Variants in TNC observed in about 807,000 individuals in gnomAD.
TNC encodes tenascin.
Under a neutral mutation model 202.4 loss-of-function variants are expected in TNC, and 109 were observed. The observed-to-expected ratio is 0.54, with a 90% CI of 0.46 to 0.63. The LOEUF (loss-of-function observed/expected upper bound fraction) is 0.63, where lower values mean the gene tolerates loss of function less well. Ranked by LOEUF, TNC falls within the 30% of genes least tolerant of loss-of-function variation. The probability of loss-of-function intolerance (pLI) is 0.00; values close to 1 mark genes in which losing one functional copy is unlikely to be tolerated. For missense variants in TNC, 2,756 were observed against 2,833.3 expected (o/e 0.97, Z 0.62); for synonymous variants, 1,007 against 1,089.7 (o/e 0.92, Z 1.50).
intron 1 of TNC, among the ~76,000 whole-genome samples, chr9:115,100,721 C>CT (rs1374114991): frequency 6.6e-6 from 1 of 151,990 alleles, no homozygotes; most frequent in African/African-American, 2.4e-5. Flanking sequence ...AGTAGTAGAC[C>CT]TTAAGTGTCT....
chr9:115,024,076 G>A lies in TNC; in HGVS notation c.6392C>T (p.Ser2131Leu). The change falls in exon 27 of 28, where the codon TCA (serine) becomes TTA (leucine). Residue 2131 changes from serine to leucine, a missense_variant. Coordinates refer to ENST00000350763, the MANE Select transcript of TNC (RefSeq NM_002160.4). Reference protein sequence around the residue: ...SFSTFDKDTDSAITNCALSYK... With the variant: ...SFSTFDKDTDLAITNCALSYK... The stretch of plus-strand genomic sequence containing the variant: ...GGACAGAGCACAGTTGGTGATGGCT[G>A]AATCTGTGTCCTTGTCAAAGGTGGA... The A allele has an allele frequency of 6.2e-7, 1 of 1,614,132 alleles. No homozygotes were observed. The highest frequency in any genetic ancestry group is 8.5e-7 in the Non-Finnish European group (1 of 1,179,980).
intron 2 of TNC, among the ~76,000 whole-genome samples, chr9:115,088,642 G>T (rs1273812275): frequency 6.6e-6 from 1 of 151,976 alleles, no homozygotes; most frequent in East Asian, 1.9e-4. Flanking sequence ...TCTGTACGTA[G>T]AAACAGCTTG....
intron 1 of TNC, among the ~76,000 whole-genome samples, chr9:115,095,566 G>A (rs1330240728): frequency 5.3e-4 from 1 of 1,882 alleles, no homozygotes; most frequent in African/African-American, 1.5e-3. Flanking sequence ...GTATATATAT[G>A]TATATATATG....
At chr9:115,069,551 C>G (rs1359505638) in intron 10 of TNC, among the ~76,000 whole-genome samples, 1 of 150,548 alleles carries the variant, frequency 6.6e-6, no homozygotes, top group Non-Finnish European at 1.5e-5. Flanking sequence ...TAAATGCCAA[C>G]AGACACGGTA....
chr9:115,036,366 G>T, intron 20 of TNC, 125 bp from the exon 21 acceptor site: 1 of 1,089,354 alleles, frequency 9.2e-7, no homozygotes, highest in South Asian at 1.5e-5. Context: ...GGAAAAGCAG[G>T]TCTGATTTCT....
intron 1 of TNC, among the ~76,000 whole-genome samples, chr9:115,112,222 A>G (rs995813359): frequency 2.0e-5 from 3 of 152,350 alleles, no homozygotes; most frequent in Admixed American, 2.0e-4. Flanking sequence ...CTAGGATTCC[A>G]ACCTGACCCT....
intron 21 of TNC, 57 bp from the exon 22 acceptor site, chr9:115,035,391 T>A: frequency 6.4e-7 from 1 of 1,556,694 alleles, no homozygotes; most frequent in South Asian, 1.2e-5. Flanking sequence ...GGGCAGAAAT[T>A]CGGGCTGGGT....
At chr9:115,041,566 G>A (rs549191995) in intron 18 of TNC, among the ~76,000 whole-genome samples, 1 of 152,218 alleles carries the variant, frequency 6.6e-6, no homozygotes, top group Non-Finnish European at 1.5e-5. Context: ...AATAAACACA[G>A]AAATTGTATT....
chr9:115,073,983 G>C (rs964676107), intron 9 of TNC, 117 bp from the exon 10 acceptor site: 5 of 1,018,612 alleles, frequency 4.9e-6, no homozygotes, highest in Non-Finnish European at 5.6e-6. Flanking sequence ...GGAGCTGAGG[G>C]ACCACAGGAG....
Position 115,036,226 on chromosome 9 carries a change from C to A in TNC, c.5528G>T (p.Arg1843Leu), listed in dbSNP as rs200602864. The change falls in exon 21 of 28, where the codon CGC becomes CTC. Residue 1843 changes from arginine to leucine, a missense_variant. Physicochemically the swap from Arg to Leu is moderately radical, Grantham distance 102. Coordinates refer to ENST00000350763, the MANE Select transcript of TNC (RefSeq NM_002160.4). ...CTCCACTGTGTTCCCGGACACCGTGCGTGTAATTTCTGGCACTAAACATGA... is the reference window on the plus strand; with the variant it reads ...CTCCACTGTGTTCCCGGACACCGTGAGTGTAATTTCTGGCACTAAACATGA... ...YTGEKVPEITRTVSGNTVEYA... is the reference protein window; with the variant it reads ...YTGEKVPEITLTVSGNTVEYA... 1 of 1,614,108 alleles carries A rather than the reference C, an allele frequency of 6.2e-7. No homozygotes were observed. Among genetic ancestry groups the A allele is most frequent in the East Asian group, 2.2e-5 (1 of 44,884 alleles).
At chr9:115,026,288 A>G (rs1375825076) in intron 26 of TNC, among the ~76,000 whole-genome samples, 2 of 152,098 alleles carry the variant, frequency 1.3e-5, no homozygotes, top group African/African-American at 4.8e-5. Flanking sequence ...TTTTTGAAAG[A>G]TGGTCATTAG....
intron 15 of TNC, chr9:115,052,989 T>C (rs1218355796): frequency 1.4e-6 from 1 of 701,364 alleles, no homozygotes; most frequent in Non-Finnish European, 2.6e-6. Context: ...TTGCTAAAGA[T>C]TAGCGTGCCC....
intron 2 of TNC, 131 bp downstream of exon 2, chr9:115,090,431 T>A (rs1201619843): frequency 1.4e-6 from 1 of 699,304 alleles, no homozygotes; most frequent in Non-Finnish European, 2.4e-6. Flanking sequence ...ACATAAAATC[T>A]CTTTGTAATG....
At position 115,063,849 on chromosome 9, in the gene TNC, C is replaced by T. The variant is rs147290484; in HGVS notation, c.3707G>A (p.Arg1236His). The change falls in exon 12 of 28, where the codon CGC becomes CAC. Residue 1236 changes from arginine to histidine, a missense_variant. Transcript: ENST00000350763. The stretch of plus-strand genomic sequence containing the variant: ...TGTGCTGAAGTCCTGAGTGACCCCG[C>T]GGATGGTGATGGTATAATGAGTGGC... ...KAATHYTITIRGVTQDFSTTP... is the reference protein window; with the variant it reads ...KAATHYTITIHGVTQDFSTTP... The T allele has an allele frequency of 3.2e-5, 51 of 1,614,130 alleles. No homozygotes were observed. In the Admixed American group the frequency reaches 3.3e-4, roughly 11 times the overall value.
intron 22 of TNC, 21 bp from the exon 23 acceptor site, chr9:115,031,706 AT>A: frequency 6.2e-7 from 1 of 1,602,744 alleles, no homozygotes. Flanking sequence ...AAGAAAAAGT[AT>A]AATGGCTTTT....
In TNC at chr9:115,049,677, ATT is replaced by A. The variant is rs34181707; in HGVS notation, c.4580-1147_4580-1146del. Among the ~76,000 whole-genome samples, 613 of 146,582 alleles carry A rather than the reference ATT, an allele frequency of 4.2e-3. 4 individuals carry two copies. The highest frequency in any genetic ancestry group is 0.015 in the African/African-American group (582 of 39,928). ...TTTTTCTGACAGTACTGGTAAATGC[ATT>A]TTTTTTTTTAATCAGAAGAAAAAAA... On this transcript the variant is annotated intron_variant, in intron 15 of 27. Transcript: ENST00000350763.
At chr9:115,044,423 G>A (rs1387739202) in intron 17 of TNC, among the ~76,000 whole-genome samples, 4 of 147,462 alleles carry the variant, frequency 2.7e-5, no homozygotes, top group South Asian at 2.3e-4. Context: ...ACACAAGCAC[G>A]CACGCGCATG....
intron 2 of TNC, 56 bp downstream of exon 2, chr9:115,090,506 C>G: frequency 1.4e-6 from 2 of 1,388,368 alleles, no homozygotes; most frequent in Non-Finnish European, 2.0e-6. Flanking sequence ...TGCTGCTATG[C>G]TCTTCATTTC....
chr9:115,041,560 A>G (rs1830759733), intron 18 of TNC, among the ~76,000 whole-genome samples: 1 of 152,212 alleles, frequency 6.6e-6, no homozygotes, highest in African/African-American at 2.4e-5. Context: ...TTTATTAATA[A>G]ACACAGAAAT....
Sources: allele counts gnomAD v4.1 joint callset (sites outside exome capture counted in the v4.1 genomes callset), GRCh38; gene constraint gnomAD v4.1.1; transcripts MANE v1.5; gene names NCBI Gene and HGNC (gene_info 2026-07-23, HGNC 2026-07-21).